The following EVC variants were observed in gnomAD, a reference collection of about 807,000 sequenced individuals.
EVC encodes the protein EvC ciliary complex subunit 1.
In EVC, 116 loss-of-function variants were observed where a neutral mutation model predicts 118.9. That is an observed-to-expected ratio of 0.98 (90% CI 0.84 to 1.14). The LOEUF is 1.14. Among genes scored for constraint, EVC ranks in the 50% most tolerant of loss-of-function variants. The pLI, the probability that EVC is intolerant of heterozygous loss-of-function variation, is 0.00. For synonymous variants in EVC, 619 were observed against 534.7 expected (o/e 1.16, Z -2.18); for missense variants, 1,401 against 1,246.4 (o/e 1.12, Z -1.87).
At chr4:5,785,367 A>G (rs1736264487) in intron 12 of EVC, among the ~76,000 whole-genome samples, 1 of 152,128 alleles carries the variant, frequency 6.6e-6, no homozygotes, top group East Asian at 1.9e-4. Flanking sequence ...TGTCAGAAAC[A>G]AGCCCTGTTT....
At chr4:5,800,225 A>G (rs766279435) in intron 15 of EVC, among the ~76,000 whole-genome samples, 2 of 152,124 alleles carry the variant, frequency 1.3e-5, no homozygotes. Flanking sequence ...TGCGCCTGTA[A>G]TCCCAGCTAC....
At position 5,711,459 on chromosome 4, in the gene EVC, C is replaced by T. The variant is rs1723000600; in HGVS notation, c.79C>T (p.Leu27=). The T allele has an allele frequency of 2.0e-5, 21 of 1,046,080 alleles. No individual in the cohort carries two copies. The highest frequency in any genetic ancestry group is 2.3e-5 in the Non-Finnish European group (20 of 872,444). 64.8% of individuals were successfully genotyped at this position (1,046,080 alleles called of 1,614,324 possible). A position where few individuals can be genotyped will look rare whatever the true frequency, so the allele number is the denominator to read the frequency against. ...GRDALRPAPA[L]LAPAVLLGAA... is the part of the protein sequence containing the mutation. Reference sequence around the variant, plus strand: ...GGACGCGCTGCGGCCGGCGCCCGCCCTGCTGGCCCCCGCCGTGCTGCTGGG... The same window carrying T: ...GGACGCGCTGCGGCCGGCGCCCGCCTTGCTGGCCCCCGCCGTGCTGCTGGG... The change falls in exon 1 of 21, where the codon CTG becomes TTG. Residue 27 remains leucine, a synonymous_variant. Transcript: ENST00000264956.
intron 3 of EVC, among the ~76,000 whole-genome samples, chr4:5,730,013 A>G (rs1003193047): frequency 2.6e-5 from 4 of 152,152 alleles, no homozygotes; most frequent in Non-Finnish European, 4.4e-5. Flanking sequence ...TCCTAGTGAA[A>G]TAAGTTTGGG....
At chr4:5,758,364 A>T (rs1731510432) in intron 11 of EVC, 1 of 521,970 alleles carries the variant, frequency 1.9e-6, no homozygotes, top group South Asian at 2.7e-5. Flanking sequence ...ACGGAAGGCG[A>T]TCTTTGTTCA....
chr4:5,827,971 A>C, the EVC span: 2 of 922,830 alleles, frequency 2.2e-6, no homozygotes, highest in Non-Finnish European at 2.6e-6. Flanking sequence ...TTCAAGGAAA[A>C]TAAGGAACGA....
Position 5,733,391 on chromosome 4 carries a change from G to C in EVC, c.658G>C (p.Asp220His). Residue 220 changes from aspartate to histidine, a missense_variant, in exon 5 of 21, where the codon GAC becomes CAC. Coordinates refer to ENST00000264956, the MANE Select transcript of EVC (RefSeq NM_153717.3). ...GTGTATCTACAGCCTTCACTTAAAA[G>C]ACCTGCTGCATTTGGACACGGCACT... The part of the protein sequence containing the change: ...DLCIYSLHLK[D>H]LLHLDTALRQ... 6.2e-7 allele frequency: 1 copy of C among 1,614,060 alleles called. No individual in the cohort carries two copies. Among genetic ancestry groups the C allele is most frequent in the Non-Finnish European group, 8.5e-7 (1 of 1,179,984 alleles).
chr4:5,764,215 C>T (rs1292421481), intron 11 of EVC, among the ~76,000 whole-genome samples: 17 of 141,896 alleles, frequency 1.2e-4, no homozygotes, highest in East Asian at 8.3e-4. Context: ...TATTGATTTG[C>T]GTATATTGAA....
rs186349831 is a variant in EVC at position 5,753,403 on chromosome 4, C to T, written c.1315+351C>T. 9.1e-4 allele frequency among the ~76,000 whole-genome samples: 139 copies of T among 152,328 alleles called. 2 individuals are homozygous for T. The East Asian group carries it at 0.025, about 28-fold the overall frequency. On this transcript the variant is annotated intron_variant, in intron 9 of 20. Coordinates refer to ENST00000264956, the MANE Select transcript of EVC (RefSeq NM_153717.3). ...TCACTAGAAATTTACACAAAGTGGT[C>T]CCTGTCGCCCAGCGGCAGCTCATGG...
chr4:5,778,669 C>T (rs1735102066), intron 11 of EVC, among the ~76,000 whole-genome samples: 2 of 152,044 alleles, frequency 1.3e-5, no homozygotes, highest in Non-Finnish European at 2.9e-5. Context: ...TGTCCTTCGC[C>T]CACTTTTTGA....
At chr4:5,733,025 A>G (rs1424554533) in intron 4 of EVC, among the ~76,000 whole-genome samples, 1 of 152,106 alleles carries the variant, frequency 6.6e-6, no homozygotes, top group African/African-American at 2.4e-5. Flanking sequence ...AGATAAGTAA[A>G]TAAATTTTTT....
intron 20 of EVC, among the ~76,000 whole-genome samples, 185 bp from the exon 21 acceptor site, chr4:5,810,768 C>G (rs1716783719): frequency 6.6e-6 from 1 of 152,174 alleles, no homozygotes; most frequent in Non-Finnish European, 1.5e-5. Flanking sequence ...GGTCATGGCA[C>G]TTGGATGACC....
At chr4:5,769,610 C>T (rs762703901) in intron 11 of EVC, among the ~76,000 whole-genome samples, 5 of 152,112 alleles carry the variant, frequency 3.3e-5, no homozygotes, top group Admixed American at 2.0e-4. Context: ...CCAATAACAG[C>T]GGGGCTCTGG....
At chr4:5,758,693 T>G (rs554154373) in intron 11 of EVC, among the ~76,000 whole-genome samples, 2 of 152,294 alleles carry the variant, frequency 1.3e-5, no homozygotes, top group South Asian at 4.1e-4. Flanking sequence ...CCCATGTATC[T>G]TGCCCAGGTT....
chr4:5,756,422 C>T lies in EVC; in HGVS notation c.1563+60C>T. On this transcript the variant is annotated intron_variant, in intron 11 of 20. Coordinates refer to ENST00000264956, the MANE Select transcript of EVC (RefSeq NM_153717.3). The surrounding 1 kb of genome is among the most constrained non-coding windows in gnomAD (Gnocchi z 4.2). ...CCAGGGTCTGTGTGTGTGCGAGAACCTCACATCCTCCTGGCTGGGGACCCC... is the reference window on the plus strand; with the variant it reads ...CCAGGGTCTGTGTGTGTGCGAGAACTTCACATCCTCCTGGCTGGGGACCCC... 7.0e-7 allele frequency: 1 copy of T among 1,427,608 alleles called. No individual in the cohort carries two copies. The highest frequency in any genetic ancestry group is 9.7e-7 in the Non-Finnish European group (1 of 1,031,182). The allele number at this position is 1,427,608 out of a possible 1,614,324, so 88.4% of individuals were successfully genotyped here.
chr4:5,712,028 C>A (rs1011857969), intron 1 of EVC, among the ~76,000 whole-genome samples: 1 of 152,238 alleles, frequency 6.6e-6, no homozygotes, highest in Non-Finnish European at 1.5e-5. Flanking sequence ...TAAAAGTTTT[C>A]AGGCACCTTC....
At chr4:5,752,145 G>A (rs1730469960) in intron 8 of EVC, among the ~76,000 whole-genome samples, 1 of 152,084 alleles carries the variant, frequency 6.6e-6, no homozygotes, top group Admixed American at 6.5e-5. Context: ...GGAGTGGGGG[G>A]TGCAGAGTCT....
intron 14 of EVC, 198 bp downstream of exon 14, chr4:5,797,430 C>A: frequency 1.6e-6 from 1 of 615,928 alleles, no homozygotes; most frequent in African/African-American, 1.8e-5. Context: ...TGCTCACCAT[C>A]CTGGAGGCCA....
At chr4:5,771,901 TA>T (rs879313162) in intron 11 of EVC, among the ~76,000 whole-genome samples, 2 of 151,598 alleles carry the variant, frequency 1.3e-5, no homozygotes, top group Non-Finnish European at 2.9e-5. Flanking sequence ...TTTATTTTAT[TA>T]TTATTATTAT....
chr4:5,720,701 G>A (rs1318043926), intron 2 of EVC, among the ~76,000 whole-genome samples: 2 of 152,220 alleles, frequency 1.3e-5, no homozygotes, highest in Admixed American at 6.5e-5. Context: ...CTTGGCCAAC[G>A]TGGACGGGGG....
Sources: allele counts gnomAD v4.1 joint callset (sites outside exome capture counted in the v4.1 genomes callset), GRCh38; gene constraint gnomAD v4.1.1; non-coding constraint Gnocchi (gnomAD v3.1); transcripts MANE v1.5; gene names NCBI Gene and HGNC (gene_info 2026-07-23, HGNC 2026-07-21).